The following DLGAP2 variants were observed in gnomAD, a reference collection of about 807,000 sequenced individuals.
The protein encoded by DLGAP2 is DLG associated protein 2.
A neutral mutation model predicts 100.3 loss-of-function variants in DLGAP2; 26 were observed. The ratio of observed to expected loss-of-function variants is 0.26; its 90% CI spans 0.19 to 0.36. The LOEUF (loss-of-function observed/expected upper bound fraction) is 0.36, where lower values mean the gene tolerates loss of function less well. Ranked by LOEUF, DLGAP2 falls within the 10% of genes least tolerant of loss-of-function variation. DLGAP2 has a pLI of 1.00. For missense variants in DLGAP2, 1,858 were observed against 1,453.2 expected, an observed-to-expected ratio of 1.28 and a Z score of -4.53; for synonymous variants, 886 against 630.1, an observed-to-expected ratio of 1.41 and a Z score of -6.08.
chr8:1,180,406 T>C (rs1052540442), intron 2 of DLGAP2, among the ~76,000 whole-genome samples: 1 of 152,248 alleles, frequency 6.6e-6, no homozygotes, highest in Non-Finnish European at 1.5e-5. Flanking sequence ...GGCCTCACAA[T>C]GTTGCCCAGC....
intron 3 of DLGAP2, among the ~76,000 whole-genome samples, chr8:1,347,146 G>T (rs1312274517): frequency 6.6e-6 from 1 of 151,978 alleles, no homozygotes; most frequent in African/African-American, 2.4e-5. Flanking sequence ...CATGGCGGCT[G>T]TGTGGAGGTT....
At chr8:1,640,159 A>T (rs1030843743) in intron 8 of DLGAP2, among the ~76,000 whole-genome samples, 2 of 152,208 alleles carry the variant, frequency 1.3e-5, no homozygotes, top group South Asian at 4.1e-4. Flanking sequence ...AGGGGAACCC[A>T]TTTCTCTTCT....
chr8:1,490,625 C>T (rs1013496960), intron 3 of DLGAP2, among the ~76,000 whole-genome samples: 1 of 152,108 alleles, frequency 6.6e-6, no homozygotes, highest in African/African-American at 2.4e-5. Flanking sequence ...AATGGGCCCT[C>T]GGTTAATCAC....
chr8:1,542,797 C>T (rs745340078), intron 4 of DLGAP2, among the ~76,000 whole-genome samples: 3 of 152,128 alleles, frequency 2.0e-5, no homozygotes, highest in Non-Finnish European at 4.4e-5. Context: ...TGTGTTCAGC[C>T]TTTTTAGGAC....
chr8:1,292,433 C>G (rs1166982880), intron 3 of DLGAP2, among the ~76,000 whole-genome samples: 1 of 152,196 alleles, frequency 6.6e-6, no homozygotes, highest in Non-Finnish European at 1.5e-5. Flanking sequence ...AGTGCGCTGT[C>G]TTTGGGCAGC....
intron 2 of DLGAP2, among the ~76,000 whole-genome samples, chr8:1,223,995 G>C (rs1356186554): frequency 6.6e-6 from 1 of 152,060 alleles, no homozygotes; most frequent in African/African-American, 2.4e-5. Flanking sequence ...ACTTCTCATT[G>C]TTTCCCCTTG....
intron 1 of DLGAP2, among the ~76,000 whole-genome samples, chr8:843,732 G>A (rs1300332181): frequency 6.6e-5 from 10 of 152,294 alleles, no homozygotes; most frequent in South Asian, 4.1e-4. Flanking sequence ...AAGCTGTGTC[G>A]CTGCATTCAC....
At chr8:1,417,125 C>T (rs906839384) in intron 3 of DLGAP2, among the ~76,000 whole-genome samples, 1 of 151,902 alleles carries the variant, frequency 6.6e-6, no homozygotes, top group Non-Finnish European at 1.5e-5. Flanking sequence ...CCCGTTCATT[C>T]ATTTAGCGTC....
At chr8:1,657,276 T>G (rs1798306203) in intron 8 of DLGAP2, among the ~76,000 whole-genome samples, 1 of 152,254 alleles carries the variant, frequency 6.6e-6, no homozygotes, top group African/African-American at 2.4e-5. Context: ...AGAATTACAT[T>G]GCTAAATTAA....
intron 6 of DLGAP2, among the ~76,000 whole-genome samples, chr8:1,585,577 G>A (rs925712469): frequency 2.0e-4 from 31 of 152,340 alleles, no homozygotes; most frequent in Admixed American, 4.6e-4. Context: ...GACCACGTAA[G>A]CTTTTCTTTT....
At chr8:1,167,617 T>C (rs1380366415) in intron 2 of DLGAP2, among the ~76,000 whole-genome samples, 1 of 152,216 alleles carries the variant, frequency 6.6e-6, no homozygotes, top group Non-Finnish European at 1.5e-5. Flanking sequence ...ATATTGCACA[T>C]AATTTAACCT....
At chr8:777,461 T>C (rs1455239761) in intron 1 of DLGAP2, among the ~76,000 whole-genome samples, 2 of 152,176 alleles carry the variant, frequency 1.3e-5, no homozygotes, top group Non-Finnish European at 2.9e-5. Context: ...GTCTTTACAT[T>C]TTGGCATGAT....
intron 8 of DLGAP2, among the ~76,000 whole-genome samples, chr8:1,639,532 G>A (rs959027505): frequency 6.6e-6 from 1 of 152,218 alleles, no homozygotes; most frequent in African/African-American, 2.4e-5. Flanking sequence ...GCACAGCGGA[G>A]ACCCCTGTGG....
At chr8:1,223,836 C>T (rs1798363722) in intron 2 of DLGAP2, among the ~76,000 whole-genome samples, 2 of 152,162 alleles carry the variant, frequency 1.3e-5, no homozygotes, top group South Asian at 4.2e-4. Context: ...CACCCATATG[C>T]TCTATATGTG....
At chr8:1,388,930 G>A (rs1403477507) in intron 3 of DLGAP2, among the ~76,000 whole-genome samples, 2 of 135,258 alleles carry the variant, frequency 1.5e-5, no homozygotes, top group African/African-American at 2.9e-5. Context: ...ATGAGGAAGC[G>A]CTGGTTCAAG....
At chr8:1,180,190 C>T (rs1433944170) in intron 2 of DLGAP2, among the ~76,000 whole-genome samples, 1 of 151,824 alleles carries the variant, frequency 6.6e-6, no homozygotes, top group East Asian at 1.9e-4. Context: ...TCTGATAAAG[C>T]CAGATTTGTT....
At chr8:1,570,301 C>G (rs1417882235) in intron 6 of DLGAP2, among the ~76,000 whole-genome samples, 1 of 152,204 alleles carries the variant, frequency 6.6e-6, no homozygotes, top group African/African-American at 2.4e-5. Flanking sequence ...CCCAGCACCC[C>G]CTATGACTGT....
chr8:1,148,129 T>G (rs555069340), intron 2 of DLGAP2, among the ~76,000 whole-genome samples: 1 of 152,298 alleles, frequency 6.6e-6, no homozygotes, highest in East Asian at 1.9e-4. Flanking sequence ...ATTACAGATT[T>G]GATATCTTTT....
intron 1 of DLGAP2, among the ~76,000 whole-genome samples, chr8:796,256 T>C (rs532692259): frequency 6.6e-6 from 1 of 152,326 alleles, no homozygotes; most frequent in South Asian, 2.1e-4. Flanking sequence ...TCCCCGGTGA[T>C]GAGCTGACTC....
Sources: gnomAD v4.1 joint callset for allele counts (sites outside exome capture counted in the v4.1 genomes callset) on GRCh38, gnomAD v4.1.1 for gene constraint, MANE v1.5 for transcripts, NCBI Gene and HGNC (gene_info 2026-07-23, HGNC 2026-07-21) for gene names.